TSC22D1: variants seen among roughly 807,000 people sequenced by gnomAD.
TSC22D1 encodes TSC22 domain family member 1.
Under a neutral mutation model 74.2 loss-of-function variants are expected in TSC22D1, and 9 were observed. That is an observed-to-expected ratio of 0.12 (90% CI 0.07 to 0.21). The LOEUF is 0.21. Among genes scored for constraint, TSC22D1 ranks in the 10% least tolerant of loss-of-function variants. TSC22D1 has a pLI of 1.00. For synonymous variants in TSC22D1, 586 were observed against 492.5 expected (o/e 1.19, Z -2.51); for missense variants, 1,427 against 1,304.7 (o/e 1.09, Z -1.44).
chr13:44,495,295 GA>G (rs34584059), intron 1 of TSC22D1, among the ~76,000 whole-genome samples: 1,562 of 90,496 alleles, frequency 0.017, 20 homozygotes, highest in Admixed American at 0.064. Context: ...AAATGCTAAG[GA>G]AAAAAAAAAA....
In TSC22D1 at chr13:44,468,457, T is replaced by C. The variant is rs374728950; in HGVS notation, c.2913-32362A>G. ...TTTTCTAAGCACTTTGTATGTATCA[T>C]CTTATTTCGTTCCTGTAACAACCCT... On this transcript the variant is annotated intron_variant, in intron 1 of 2. Coordinates refer to ENST00000458659, the MANE Select transcript of TSC22D1 (RefSeq NM_183422.4). 2.4e-4 allele frequency among the ~76,000 whole-genome samples: 36 copies of C among 150,072 alleles called. 3 individuals are homozygous for C. In the East Asian group the frequency reaches 4.2e-3, roughly 18 times the overall value.
chr13:44,477,157 T>C (rs1877956730), intron 1 of TSC22D1, among the ~76,000 whole-genome samples: 1 of 151,984 alleles, frequency 6.6e-6, no homozygotes, highest in Non-Finnish European at 1.5e-5. Context: ...TTCACCATGT[T>C]GGCCAGGCTG....
intron 1 of TSC22D1, among the ~76,000 whole-genome samples, chr13:44,570,083 G>A (rs139810531): frequency 2.4e-4 from 36 of 152,252 alleles, no homozygotes; most frequent in African/African-American, 8.4e-4. Flanking sequence ...CACGTTAAGA[G>A]GCTGTGCTAA....
At chr13:44,468,772 T>C (rs1877436025) in intron 1 of TSC22D1, among the ~76,000 whole-genome samples, 1 of 150,056 alleles carries the variant, frequency 6.7e-6, no homozygotes, top group Admixed American at 6.7e-5. Context: ...ATCTTTATTA[T>C]GAAGAATTTA....
At chr13:44,507,935 C>G (rs1879513641) in intron 1 of TSC22D1, among the ~76,000 whole-genome samples, 2 of 152,166 alleles carry the variant, frequency 1.3e-5, no homozygotes, top group Non-Finnish European at 2.9e-5. Flanking sequence ...AGGCAGCTTC[C>G]TAGAGGAATT....
At chr13:44,527,879 A>C (rs1880627235) in intron 1 of TSC22D1, among the ~76,000 whole-genome samples, 1 of 152,116 alleles carries the variant, frequency 6.6e-6, no homozygotes, top group Non-Finnish European at 1.5e-5. Context: ...TGCTAACACT[A>C]ATCAAAACAA....
intron 1 of TSC22D1, among the ~76,000 whole-genome samples, chr13:44,458,369 C>CA (rs1876792456): frequency 1.3e-5 from 2 of 152,148 alleles, no homozygotes; most frequent in South Asian, 4.1e-4. Flanking sequence ...TTCAAATTTC[C>CA]AAAAATCACT....
chr13:44,521,957 A>AC (rs1880337502), intron 1 of TSC22D1, among the ~76,000 whole-genome samples: 1 of 152,190 alleles, frequency 6.6e-6, no homozygotes, highest in Non-Finnish European at 1.5e-5. Flanking sequence ...TGCTAAAAAA[A>AC]ACAATAGCAA....
At chr13:44,465,263 G>C (rs1274335104) in intron 1 of TSC22D1, among the ~76,000 whole-genome samples, 1 of 151,780 alleles carries the variant, frequency 6.6e-6, no homozygotes, top group African/African-American at 2.4e-5. Context: ...GAGCCTCCCA[G>C]GAAAAAAAAA....
intron 1 of TSC22D1, among the ~76,000 whole-genome samples, chr13:44,445,655 A>G (rs1278827936): frequency 6.6e-6 from 1 of 152,200 alleles, no homozygotes; most frequent in East Asian, 1.9e-4. Flanking sequence ...CAGAATATAT[A>G]AAGAACTCAA....
At chr13:44,442,270 T>C (rs776791213) in intron 1 of TSC22D1, among the ~76,000 whole-genome samples, 1 of 152,162 alleles carries the variant, frequency 6.6e-6, no homozygotes, top group Non-Finnish European at 1.5e-5. Flanking sequence ...ATGTCTGGCA[T>C]CCAATAAAAA....
intron 1 of TSC22D1, among the ~76,000 whole-genome samples, chr13:44,460,206 G>T (rs1229544626): frequency 6.6e-6 from 1 of 152,118 alleles, no homozygotes; most frequent in Non-Finnish European, 1.5e-5. Context: ...TGAACTACTT[G>T]GTTTTAGCCA....
intron 1 of TSC22D1, among the ~76,000 whole-genome samples, chr13:44,557,914 T>G (rs1418414810): frequency 6.6e-6 from 1 of 152,200 alleles, no homozygotes; most frequent in African/African-American, 2.4e-5. Context: ...TTCAGCAAAT[T>G]TTCCAAATTT....
chr13:44,507,986 A>G, intron 1 of TSC22D1, among the ~76,000 whole-genome samples: 1 of 152,214 alleles, frequency 6.6e-6, no homozygotes, highest in East Asian at 1.9e-4. Context: ...GTGTGGGAAT[A>G]ATTTAACTGG....
chr13:44,555,900 G>A (rs972463590), intron 1 of TSC22D1, among the ~76,000 whole-genome samples: 5 of 151,950 alleles, frequency 3.3e-5, no homozygotes, highest in Non-Finnish European at 7.4e-5. Context: ...TGACACTGGG[G>A]AGAATGGCAA....
At chr13:44,539,676 G>A in intron 1 of TSC22D1, 1 of 1,160,276 alleles carries the variant, frequency 8.6e-7, no homozygotes, top group African/African-American at 1.6e-5. Flanking sequence ...GTTCTTAAAT[G>A]AACCCAAGGA....
intron 1 of TSC22D1, among the ~76,000 whole-genome samples, chr13:44,465,344 G>A (rs1185043619): frequency 6.6e-6 from 1 of 152,172 alleles, no homozygotes; most frequent in Non-Finnish European, 1.5e-5. Flanking sequence ...ACGTCATATG[G>A]CTGAAGCATT....
chr13:44,480,399 C>T (rs1177435812), intron 1 of TSC22D1, among the ~76,000 whole-genome samples: 4 of 150,686 alleles, frequency 2.7e-5, no homozygotes, highest in Non-Finnish European at 6.0e-5. Context: ...ACACTTAATA[C>T]TATAAAAATT....
chr13:44,531,691 A>G (rs1234024660), intron 1 of TSC22D1, among the ~76,000 whole-genome samples: 1 of 152,232 alleles, frequency 6.6e-6, no homozygotes, highest in Non-Finnish European at 1.5e-5. Context: ...ACATGCAACC[A>G]TTAAATAAAT....
Sources: allele counts gnomAD v4.1 joint callset (sites outside exome capture counted in the v4.1 genomes callset), GRCh38; gene constraint gnomAD v4.1.1; transcripts MANE v1.5; gene names NCBI Gene and HGNC (gene_info 2026-07-23, HGNC 2026-07-21).